Variants in RYR2 observed in about 807,000 individuals in gnomAD.
The protein encoded by RYR2 is ryanodine receptor 2, also known as cardiac muscle ryanodine receptor-calcium release channel.
In RYR2, 227 loss-of-function variants were observed where a neutral mutation model predicts 601.1. That is an observed-to-expected ratio of 0.38 (90% CI 0.34 to 0.42). The LOEUF (loss-of-function observed/expected upper bound fraction) is 0.42, where lower values mean the gene tolerates loss of function less well. Ranked by LOEUF, RYR2 falls within the 10% of genes least tolerant of loss-of-function variation. The pLI, the probability that RYR2 is intolerant of heterozygous loss-of-function variation, is 1.00. For missense variants in RYR2, 4,646 were observed against 6,156.5 expected (o/e 0.75, Z 8.21); for synonymous variants, 2,223 against 2,175.1 (o/e 1.02, Z -0.61).
At chr1:237,586,039 A>G (rs1267014767) in intron 29 of RYR2, among the ~76,000 whole-genome samples, 1 of 152,212 alleles carries the variant, frequency 6.6e-6, no homozygotes, top group Admixed American at 6.5e-5. Flanking sequence ...ATAATTTTCC[A>G]TCACCTCCTT....
At chr1:237,081,926 A>G (rs1236747650) in intron 1 of RYR2, among the ~76,000 whole-genome samples, 1 of 152,178 alleles carries the variant, frequency 6.6e-6, no homozygotes, top group Non-Finnish European at 1.5e-5. Flanking sequence ...GGCAGGAGAC[A>G]TCAGCACCTG....
intron 1 of RYR2, among the ~76,000 whole-genome samples, chr1:237,189,493 A>G (rs1033819217): frequency 3.9e-5 from 6 of 152,312 alleles, no homozygotes; most frequent in African/African-American, 1.4e-4. Context: ...ATGTAATGGT[A>G]TTTGGAAGCA....
intron 17 of RYR2, among the ~76,000 whole-genome samples, chr1:237,470,418 T>G (rs1432552533): frequency 1.3e-5 from 2 of 151,824 alleles, no homozygotes; most frequent in African/African-American, 4.8e-5. Flanking sequence ...AGAGAAAAAT[T>G]TGTAGAGTTT....
intron 2 of RYR2, among the ~76,000 whole-genome samples, chr1:237,323,116 G>C (rs929770184): frequency 6.6e-6 from 1 of 152,016 alleles, no homozygotes; most frequent in African/African-American, 2.4e-5. Context: ...TGACATACTT[G>C]TTCGGGATAC....
chr1:237,317,517 T>C (rs997268573), intron 2 of RYR2, among the ~76,000 whole-genome samples: 4 of 152,312 alleles, frequency 2.6e-5, no homozygotes, highest in African/African-American at 9.6e-5. Flanking sequence ...ATAGCTGATT[T>C]TTATGTATTG....
chr1:237,330,568 A>G (rs1380326433), intron 2 of RYR2, among the ~76,000 whole-genome samples: 1 of 152,086 alleles, frequency 6.6e-6, no homozygotes, highest in Non-Finnish European at 1.5e-5. Context: ...TTGTATTTTT[A>G]GTAGAGATGG....
chr1:237,174,816 G>A (rs948348219), intron 1 of RYR2, among the ~76,000 whole-genome samples: 10 of 152,160 alleles, frequency 6.6e-5, no homozygotes, highest in African/African-American at 1.9e-4. Flanking sequence ...GGAATCAATA[G>A]TATTTGTCAA....
intron 39 of RYR2, among the ~76,000 whole-genome samples, chr1:237,624,317 G>A (rs927410727): frequency 1.3e-5 from 2 of 152,246 alleles, no homozygotes; most frequent in Non-Finnish European, 2.9e-5. Context: ...TGTTAAGAGG[G>A]TAGATGTCAT....
intron 1 of RYR2, among the ~76,000 whole-genome samples, chr1:237,221,761 T>G (rs962714137): frequency 1.1e-4 from 17 of 152,182 alleles, no homozygotes; most frequent in African/African-American, 4.1e-4. Context: ...TATCAAGGGC[T>G]CACTGAGGTA....
At position 237,614,535 on chromosome 1, in the gene RYR2, A is replaced by T. The variant is rs762716832; in HGVS notation, c.5407A>T (p.Ser1803Cys). The stretch of plus-strand genomic sequence containing the variant: ...GCTGACAGAAGCTGTTAAAGAGGGC[A>T]GTCTTCATGCCCGGGACCCAGTTGG... Reference protein sequence around the residue: ...QMLTEAVKEGSLHARDPVGGT... With the variant: ...QMLTEAVKEGCLHARDPVGGT... Residue 1803 changes from serine to cysteine, a missense_variant, in exon 37 of 105, where the codon AGT becomes TGT. Ser to Cys is a moderately radical substitution (Grantham distance 112, BLOSUM62 -1). Around this residue, in one of 17 missense-constraint regions of RYR2, gnomAD observed 1,807 missense variants for 2,088.1 expected, o/e 0.87. Transcript: ENST00000366574. The surrounding 1 kb of genome is among the most constrained non-coding windows in gnomAD (Gnocchi z 4.3). 1 of 1,614,052 alleles carries T rather than the reference A, an allele frequency of 6.2e-7. No homozygotes were observed. The highest frequency in any genetic ancestry group is 8.5e-7 in the Non-Finnish European group (1 of 1,179,900).
chr1:237,314,496 G>C (rs540143075), intron 2 of RYR2, among the ~76,000 whole-genome samples: 1 of 152,294 alleles, frequency 6.6e-6, no homozygotes, highest in African/African-American at 2.4e-5. Context: ...TTAAAAAGTG[G>C]TACTAGCCTT....
intron 23 of RYR2, among the ~76,000 whole-genome samples, chr1:237,507,327 C>T (rs921654876): frequency 6.6e-5 from 10 of 152,168 alleles, no homozygotes; most frequent in African/African-American, 2.2e-4. Flanking sequence ...CTAAATGATA[C>T]TTTGCTAAAG....
At chr1:237,626,574 C>CTTTTTTTTTTTT (rs1679680836) in intron 40 of RYR2, among the ~76,000 whole-genome samples, 4 of 60,094 alleles carry the variant, frequency 6.7e-5, no homozygotes, top group Non-Finnish European at 7.3e-5. Flanking sequence ...TTTTCTTTTT[C>CTTTTTTTTTTTT]TTTTTCTTTT....
chr1:237,756,049 A>G (rs1289857476), intron 80 of RYR2, among the ~76,000 whole-genome samples: 1 of 143,560 alleles, frequency 7.0e-6, no homozygotes, highest in Non-Finnish European at 1.5e-5. Context: ...TAAAATTGAG[A>G]AAAAAAAATC....
chr1:237,640,889 C>A lies in RYR2; in HGVS notation c.7116-8C>A. The stretch of plus-strand genomic sequence containing the variant: ...TGCTTTCTCTTTCTTTTGAAACATT[C>A]ATGAAAGTGACACAGAGGAGGAGGA... On this transcript the variant is annotated splice_polypyrimidine_tract_variant and splice_region_variant and intron_variant, in intron 46 of 104. Coordinates refer to ENST00000366574, the MANE Select transcript of RYR2 (RefSeq NM_001035.3). 1 of 1,608,246 alleles carries A rather than the reference C, an allele frequency of 6.2e-7. No homozygotes were observed.
At chr1:237,574,796 G>A (rs930196246) in intron 29 of RYR2, among the ~76,000 whole-genome samples, 1 of 151,982 alleles carries the variant, frequency 6.6e-6, no homozygotes, top group African/African-American at 2.4e-5. Context: ...AATAACCAGG[G>A]AGCTTGGAAG....
At chr1:237,373,435 C>T (rs1430538713) in intron 6 of RYR2, among the ~76,000 whole-genome samples, 3 of 152,190 alleles carry the variant, frequency 2.0e-5, no homozygotes, top group Non-Finnish European at 4.4e-5. Context: ...GCTGGATGGG[C>T]CCTGTACCAT....
chr1:237,194,568 G>C (rs1680348443), intron 1 of RYR2, among the ~76,000 whole-genome samples: 1 of 152,200 alleles, frequency 6.6e-6, no homozygotes, highest in Non-Finnish European at 1.5e-5. Context: ...TGGGGTGACA[G>C]AGTTAAGGAA....
chr1:237,277,836 TAAAC>T (rs764299371), intron 2 of RYR2, among the ~76,000 whole-genome samples: 5 of 152,036 alleles, frequency 3.3e-5, no homozygotes, highest in Non-Finnish European at 5.9e-5. Flanking sequence ...AGTAACTAAA[TAAAC>T]AAACAAAAAA....
Sources: gnomAD v4.1 joint callset for allele counts (sites outside exome capture counted in the v4.1 genomes callset) on GRCh38, gnomAD v4.1.1 for gene constraint, gnomAD v4.1.1 regional missense constraint, Gnocchi (gnomAD v3.1) non-coding constraint, MANE v1.5 for transcripts, NCBI Gene and HGNC (gene_info 2026-07-23, HGNC 2026-07-21) for gene names.